SORL1: variants seen among roughly 807,000 people sequenced by gnomAD.
SORL1 encodes the protein sortilin-related receptor.
A neutral mutation model predicts 273.7 loss-of-function variants in SORL1; 127 were observed. That is an observed-to-expected ratio of 0.46 (90% CI 0.40 to 0.54). The LOEUF (loss-of-function observed/expected upper bound fraction) is 0.54. SORL1 is among the 20% of genes least tolerant of loss of function. The pLI, the probability that SORL1 is intolerant of heterozygous loss-of-function variation, is 0.00. For synonymous variants in SORL1, 1,031 were observed against 1,067.4 expected, an observed-to-expected ratio of 0.97 and a Z score of 0.66; for missense variants, 2,494 against 2,846.1, an observed-to-expected ratio of 0.88 and a Z score of 2.81.
At chr11:121,469,966 C>T in intron 1 of SORL1, 41 bp from the exon 2 acceptor site, 1 of 1,227,188 alleles carries the variant, frequency 8.1e-7, no homozygotes, top group Non-Finnish European at 1.2e-6. Flanking sequence ...GTGTGGCCAT[C>T]ACTTATCGTG....
chr11:121,609,069 T>A (rs192031925), intron 38 of SORL1: 1 of 152,332 alleles, frequency 6.6e-6, no homozygotes, highest in African/African-American at 2.4e-5. Flanking sequence ...CTTTGGGAGA[T>A]GGACTACAAC....
At chr11:121,602,922 C>A (rs901961652) in intron 32 of SORL1, among the ~76,000 whole-genome samples, 2 of 152,216 alleles carry the variant, frequency 1.3e-5, no homozygotes, top group Admixed American at 1.3e-4. Flanking sequence ...GTGCGGGGAG[C>A]AGAATGGAGC....
chr11:121,555,179 C>G lies in SORL1; in HGVS notation c.2440-8C>G. On this transcript the variant is annotated splice_polypyrimidine_tract_variant and splice_region_variant and intron_variant, in intron 17 of 47. Transcript: ENST00000260197. Reference sequence around the variant, plus strand: ...TCCTAGCATTTATTATTACTTTTCTCTCTTAAGCGCCTCTGTTTGAATGGA... The same window carrying G: ...TCCTAGCATTTATTATTACTTTTCTGTCTTAAGCGCCTCTGTTTGAATGGA... 11 of 1,611,486 alleles carry G rather than the reference C, an allele frequency of 6.8e-6. No individual in the cohort carries two copies. Among genetic ancestry groups the G allele is most frequent in the Non-Finnish European group, 9.3e-6 (11 of 1,178,552 alleles).
intron 38 of SORL1, chr11:121,610,142 A>G (rs1863540136): frequency 6.6e-6 from 1 of 152,186 alleles, no homozygotes; most frequent in African/African-American, 2.4e-5. Flanking sequence ...TGCTCCTTTG[A>G]GTCTCTCTTG....
At position 121,627,580 on chromosome 11, in the gene SORL1, T is replaced by C. The variant is rs748033799; in HGVS notation, c.6390T>C (p.Ala2130=). The C allele has an allele frequency of 5.6e-6, 9 of 1,614,204 alleles. No homozygotes were observed. In the Admixed American group the frequency reaches 1.5e-4, roughly 27 times the overall value. Residue 2130 remains alanine, a synonymous_variant, in exon 47 of 48, where the codon GCT becomes GCC. Transcript: ENST00000260197. The surrounding 1 kb of genome is among the most constrained non-coding windows in gnomAD (Gnocchi z 4.9). ...GTGCAGATGCATCTGCAACGCAGGC[T>C]GCCAGATCTACGGATGTTGCTGCTG... ...GSGADASATQ[A]ARSTDVAAVV... is the part of the protein sequence containing the mutation.
chr11:121,477,756 T>G (rs1197036052), intron 2 of SORL1, among the ~76,000 whole-genome samples: 1 of 152,116 alleles, frequency 6.6e-6, no homozygotes, highest in Non-Finnish European at 1.5e-5. Context: ...CTGCTTGGGC[T>G]CGGTGGCTCA....
chr11:121,583,222 C>A (rs143106968), intron 25 of SORL1, among the ~76,000 whole-genome samples: 120 of 152,344 alleles, frequency 7.9e-4, no homozygotes, highest in Middle Eastern at 3.4e-3. Flanking sequence ...ACGTGTGCAT[C>A]TGTCCCTGGG....
chr11:121,463,260 AT>A lies in SORL1; in HGVS notation c.286-6737del, dbSNP rs11446353. ...TCTTTCTGGCTTTGATATTTTCCTC[AT>A]TTTTTTTTTGCCAACTGGTAAATTA... On this transcript the variant is annotated intron_variant, in intron 1 of 47. Coordinates refer to ENST00000260197, the MANE Select transcript of SORL1 (RefSeq NM_003105.6). 4.0e-3 allele frequency among the ~76,000 whole-genome samples: 599 copies of A among 149,724 alleles called. 12 individuals carry two copies. The highest frequency in any genetic ancestry group is 1.7e-3 in the Non-Finnish European group (115 of 67,346).
rs770852212 is a variant in SORL1 at position 121,563,702 on chromosome 11, C to G, written c.3050-3238C>G. Among the ~76,000 whole-genome samples, 1 of 152,170 alleles carries G rather than the reference C, an allele frequency of 6.6e-6. No homozygotes were observed. Among genetic ancestry groups the G allele is most frequent in the African/African-American group, 2.4e-5 (1 of 41,436 alleles). ...GTGAGCCACTGTGTCTGGCCACTAG[C>G]TGGTTTTTAAATGGTATAACTGGAA... On this transcript the variant is annotated intron_variant, in intron 21 of 47. Transcript: ENST00000260197. The surrounding 1 kb of genome is among the most constrained non-coding windows in gnomAD (Gnocchi z 4.2).
intron 41 of SORL1, among the ~76,000 whole-genome samples, chr11:121,616,368 A>G (rs745538566): frequency 3.2e-4 from 49 of 152,276 alleles, no homozygotes; most frequent in Non-Finnish European, 6.0e-4. Context: ...TCTTTAGTTC[A>G]TTGAGGACCC....
At chr11:121,602,792 TATC>T (rs981288786) in intron 32 of SORL1, among the ~76,000 whole-genome samples, 1 of 152,218 alleles carries the variant, frequency 6.6e-6, no homozygotes, top group Non-Finnish European at 1.5e-5. Flanking sequence ...AAGGGACTAT[TATC>T]ATCCTTGCTT....
At chr11:121,483,992 CA>C (rs1861435388) in intron 3 of SORL1, among the ~76,000 whole-genome samples, 1 of 151,998 alleles carries the variant, frequency 6.6e-6, no homozygotes, top group Non-Finnish European at 1.5e-5. Context: ...GCAGAGACTG[CA>C]AAGTGCCAAA....
intron 34 of SORL1, 61 bp from the exon 35 acceptor site, chr11:121,605,341 A>G: frequency 6.3e-7 from 1 of 1,580,990 alleles, no homozygotes; most frequent in Non-Finnish European, 8.6e-7. Flanking sequence ...TAACGGAGTC[A>G]GACATCTCAG....
intron 38 of SORL1, chr11:121,608,786 G>A (rs1863516581): frequency 6.6e-6 from 1 of 152,578 alleles, no homozygotes; most frequent in Admixed American, 6.5e-5. Flanking sequence ...CAATCAGTAA[G>A]TGACAGAGCT....
At chr11:121,470,158 G>C (rs752093771) in intron 2 of SORL1, 35 bp downstream of exon 2, 2 of 1,404,608 alleles carry the variant, frequency 1.4e-6, no homozygotes, top group Non-Finnish European at 2.0e-6. Flanking sequence ...ACACCTTGGT[G>C]CCATCAACAT....
chr11:121,573,183 T>C (rs1252108881), intron 23 of SORL1, among the ~76,000 whole-genome samples: 3 of 152,192 alleles, frequency 2.0e-5, no homozygotes, highest in Non-Finnish European at 4.4e-5. Flanking sequence ...AGAAGTGACA[T>C]TTGTTTAGAG....
At chr11:121,533,072 A>G (rs1159888438) in intron 12 of SORL1, among the ~76,000 whole-genome samples, 1 of 152,186 alleles carries the variant, frequency 6.6e-6, no homozygotes, top group Admixed American at 6.5e-5. Context: ...GGCAATTAAT[A>G]ATAATGGCCA....
intron 1 of SORL1, among the ~76,000 whole-genome samples, chr11:121,457,920 C>T (rs569150774): frequency 2.6e-5 from 4 of 152,316 alleles, no homozygotes; most frequent in South Asian, 2.1e-4. Context: ...CTTATAGCAA[C>T]GAACATCCCA....
intron 1 of SORL1, among the ~76,000 whole-genome samples, chr11:121,457,207 A>AG (rs758513738): frequency 2.0e-5 from 3 of 152,056 alleles, no homozygotes; most frequent in African/African-American, 4.8e-5. Context: ...AGGCTTTGCG[A>AG]GGGGGAAGGA....
Sources: gnomAD v4.1 joint callset for allele counts (sites outside exome capture counted in the v4.1 genomes callset) on GRCh38, gnomAD v4.1.1 for gene constraint, Gnocchi (gnomAD v3.1) non-coding constraint, MANE v1.5 for transcripts, NCBI Gene and HGNC (gene_info 2026-07-23, HGNC 2026-07-21) for gene names.